The following UBE2B variants were observed in gnomAD, a reference collection of about 807,000 sequenced individuals.
UBE2B encodes ubiquitin-conjugating enzyme E2 B.
Under a neutral mutation model 24.6 loss-of-function variants are expected in UBE2B, and 11 were observed. That is an observed-to-expected ratio of 0.45 (90% CI 0.28 to 0.74). The LOEUF is 0.74. Among genes scored for constraint, UBE2B ranks in the 30% least tolerant of loss-of-function variants. The pLI is 0.13. For synonymous variants in UBE2B, 68 were observed against 62.4 expected, an observed-to-expected ratio of 1.09 and a Z score of -0.42; for missense variants, 78 against 185.6, an observed-to-expected ratio of 0.42 and a Z score of 3.37.
At position 134,390,021 on chromosome 5, in the gene UBE2B, A is replaced by C. The variant is rs1758876089; in HGVS notation, c.331-204A>C. 1.7e-6 allele frequency: 1 copy of C among 574,702 alleles called. No individual in the cohort carries two copies. Among genetic ancestry groups the C allele is most frequent in the Non-Finnish European group, 3.0e-6 (1 of 331,228 alleles). 35.6% of individuals were successfully genotyped at this position (574,702 alleles called of 1,614,324 possible). Reference sequence around the variant, plus strand: ...AAGGCAATTGAGAACTTTATTTCAGAAGCTTAAGTTCCTTAGCAGCAGGAA... The same window carrying C: ...AAGGCAATTGAGAACTTTATTTCAGCAGCTTAAGTTCCTTAGCAGCAGGAA... On this transcript the variant is annotated intron_variant, in intron 5 of 5. Coordinates refer to ENST00000265339, the MANE Select transcript of UBE2B (RefSeq NM_003337.4). This position sits in a 1 kb window ranked among gnomAD's most constrained non-coding sequence, Gnocchi z 4.6.
rs1418391735 is a variant in UBE2B at position 134,383,481 on chromosome 5, T to A, written c.241+2673T>A. 7.8e-4 allele frequency among the ~76,000 whole-genome samples: 108 copies of A among 137,798 alleles called. 1 individual carries two copies. The highest frequency in any genetic ancestry group is 2.8e-3 in the African/African-American group (103 of 36,426). 90.4% of individuals were successfully genotyped at this position (137,798 alleles called of 152,430 possible). ...TGTGCCACCATACCCAGCTTTTTTT[T>A]TTTTTTTTTTTTTTTTTTTGAGACA... On this transcript the variant is annotated intron_variant, in intron 4 of 5. Coordinates refer to ENST00000265339, the MANE Select transcript of UBE2B (RefSeq NM_003337.4).
chr5:134,385,356 G>A (rs1199623674), intron 4 of UBE2B, among the ~76,000 whole-genome samples: 1 of 152,190 alleles, frequency 6.6e-6, no homozygotes, highest in Non-Finnish European at 1.5e-5. Flanking sequence ...CAGTGTGTGT[G>A]TAAAGGGTAA....
intron 3 of UBE2B, among the ~76,000 whole-genome samples, chr5:134,379,937 C>T (rs1758681301): frequency 6.6e-6 from 1 of 151,078 alleles, no homozygotes; most frequent in African/African-American, 2.4e-5. Context: ...TTTTTGGAGA[C>T]AGAGTCTTGC....
intron 5 of UBE2B, among the ~76,000 whole-genome samples, chr5:134,389,629 A>ACC (rs2149694436): frequency 6.8e-6 from 1 of 147,698 alleles, no homozygotes; most frequent in South Asian, 2.1e-4. Context: ...GCTCACTGCA[A>ACC]CCTCTGCCTC....
At chr5:134,376,033 C>T (rs1758596182) in intron 2 of UBE2B, among the ~76,000 whole-genome samples, 1 of 151,186 alleles carries the variant, frequency 6.6e-6, no homozygotes, top group African/African-American at 2.4e-5. Context: ...GTCTTTTCCT[C>T]TTAAGAATAT....
chr5:134,386,348 G>A (rs1037517422), intron 4 of UBE2B, among the ~76,000 whole-genome samples: 29 of 149,698 alleles, frequency 1.9e-4, no homozygotes, highest in African/African-American at 6.9e-4. Context: ...AAAAAAAAAG[G>A]GCCGGGCACA....
In UBE2B at chr5:134,390,189, C is replaced by G. The variant is rs1378477859; in HGVS notation, c.331-36C>G. On this transcript the variant is annotated intron_variant, in intron 5 of 5. Coordinates refer to ENST00000265339, the MANE Select transcript of UBE2B (RefSeq NM_003337.4). This position sits in a 1 kb window ranked among gnomAD's most constrained non-coding sequence, Gnocchi z 4.6. ...TGACCCCTGTTGGTATAAAGAACAA[C>G]TATGCAAATCTGTTTTTTCTTTTCT... 1 of 1,612,492 alleles carries G rather than the reference C, an allele frequency of 6.2e-7. No individual in the cohort carries two copies. Among genetic ancestry groups the G allele is most frequent in the East Asian group, 2.2e-5 (1 of 44,852 alleles).
chr5:134,376,988 A>G (rs1758620229), intron 3 of UBE2B, among the ~76,000 whole-genome samples: 1 of 152,226 alleles, frequency 6.6e-6, no homozygotes, highest in Admixed American at 6.5e-5. Flanking sequence ...GATATCTCTG[A>G]GGTGAACACC....
chr5:134,384,374 A>C (rs2149692928), intron 4 of UBE2B, among the ~76,000 whole-genome samples: 1 of 151,942 alleles, frequency 6.6e-6, no homozygotes. Context: ...TTTTTGTCCA[A>C]GACAGGTTTA....
intron 3 of UBE2B, among the ~76,000 whole-genome samples, chr5:134,379,646 CAAAAA>C (rs1222816195): frequency 1.3e-5 from 1 of 75,208 alleles, no homozygotes; most frequent in African/African-American, 4.2e-5. Context: ...TCTGTCTCAA[CAAAAA>C]AAAAAAAAAA....
At position 134,378,320 on chromosome 5, in the gene UBE2B, C is replaced by T. The variant is rs75153071; in HGVS notation, c.151+1626C>T. On this transcript the variant is annotated intron_variant, in intron 3 of 5. Transcript: ENST00000265339. The stretch of plus-strand genomic sequence containing the variant: ...TCTCACCCAGGCTGGAGTGCAGAGG[C>T]GCAATCTTGGCTCACTGAAGCCTCC... Among the ~76,000 whole-genome samples the T allele has an allele frequency of 1.8e-3, 276 of 152,104 alleles. 10 individuals carry two copies. In the East Asian group the frequency reaches 0.044, roughly 24 times the overall value.
In UBE2B at chr5:134,371,664, A is replaced by T. The variant is rs375481264; in HGVS notation, c.44+25A>T. ...GGTAAGGGCCTTCACCTTCGCCTAG[A>T]TGACGGCCCCTCAAAGCTGCGGGGC... is the stretch of plus-strand genomic sequence containing the variant. On this transcript the variant is annotated intron_variant, in intron 1 of 5. Transcript: ENST00000265339. The T allele has an allele frequency of 2.5e-6, 4 of 1,612,882 alleles. No homozygotes were observed. The African/African-American group carries it at 5.4e-5, about 22-fold the overall frequency.
At chr5:134,376,640 C>G in intron 2 of UBE2B, 29 bp from the exon 3 acceptor site, 1 of 1,609,910 alleles carries the variant, frequency 6.2e-7, no homozygotes, top group Non-Finnish European at 8.5e-7. Flanking sequence ...TGAGAAACTT[C>G]TTTTAATCAG....
intron 4 of UBE2B, among the ~76,000 whole-genome samples, chr5:134,382,178 C>T (rs144147173): frequency 3.3e-5 from 5 of 152,144 alleles, no homozygotes; most frequent in East Asian, 1.9e-4. Flanking sequence ...TTTGGCCAGG[C>T]GTGGTGGTTC....
chr5:134,373,826 A>C (rs1051419763), intron 1 of UBE2B, among the ~76,000 whole-genome samples: 2 of 152,094 alleles, frequency 1.3e-5, no homozygotes, highest in Non-Finnish European at 2.9e-5. Flanking sequence ...ATCCTTTTTT[A>C]TGGCTGCATA....
At position 134,371,611 on chromosome 5, in the gene UBE2B, C is replaced by G. The variant is rs1758422610; in HGVS notation, c.16C>G (p.Arg6Gly). 1.9e-6 allele frequency: 3 copies of G among 1,613,064 alleles called. No individual in the cohort carries two copies. The highest frequency in any genetic ancestry group is 2.5e-6 in the Non-Finnish European group (3 of 1,179,860). Residue 6 changes from arginine to glycine, a missense_variant, in exon 1 of 6, where the codon CGG (arginine) becomes GGG (glycine). Physicochemically the swap from Arg to Gly is moderately radical, Grantham distance 125. Coordinates refer to ENST00000265339, the MANE Select transcript of UBE2B (RefSeq NM_003337.4). MSTPA[R>G]RRLMRDFKRL... ...GCTGCGGAGCATGTCGACCCCGGCC[C>G]GGAGGAGGCTCATGCGGGATTTCAA...
intron 3 of UBE2B, among the ~76,000 whole-genome samples, chr5:134,377,403 G>A (rs1034233841): frequency 2.6e-5 from 4 of 152,198 alleles, no homozygotes; most frequent in Non-Finnish European, 5.9e-5. Context: ...TGAATGTCCA[G>A]TAGGAGAAAT....
Position 134,379,921 on chromosome 5 carries a change from C to CT in UBE2B, c.152-788dup, listed in dbSNP as rs893910077. 9.7e-4 allele frequency among the ~76,000 whole-genome samples: 144 copies of CT among 147,898 alleles called. 1 individual carries two copies. In the East Asian group the frequency reaches 0.023, roughly 23 times the overall value. The stretch of plus-strand genomic sequence containing the variant: ...GTAATGGGTTTGCAGTTTAACCTAC[C>CT]TTTTTTTTTTGGAGACAGAGTCTTG... On this transcript the variant is annotated intron_variant, in intron 3 of 5. Transcript: ENST00000265339.
chr5:134,373,688 A>G (rs1158773133), intron 1 of UBE2B, among the ~76,000 whole-genome samples: 1 of 151,918 alleles, frequency 6.6e-6, no homozygotes, highest in African/African-American at 2.4e-5. Flanking sequence ...CCTGTGTCCA[A>G]GTGTTCTCAT....
Sources: gnomAD v4.1 joint callset for allele counts (sites outside exome capture counted in the v4.1 genomes callset) on GRCh38, gnomAD v4.1.1 for gene constraint, Gnocchi (gnomAD v3.1) non-coding constraint, MANE v1.5 for transcripts, NCBI Gene and HGNC (gene_info 2026-07-23, HGNC 2026-07-21) for gene names.